NDC80: variants seen among roughly 807,000 people sequenced by gnomAD.
The protein encoded by NDC80 is kinetochore protein NDC80 homolog.
Under a neutral mutation model 89.3 loss-of-function variants are expected in NDC80, and 69 were observed. That is an observed-to-expected ratio of 0.77 (90% confidence interval 0.64 to 0.94). The LOEUF is 0.94. Among genes scored for constraint, NDC80 ranks in the 40% least tolerant of loss-of-function variants. The pLI is 0.00. For missense variants in NDC80, 593 were observed against 739.6 expected, an observed-to-expected ratio of 0.80 and a Z score of 2.30; for synonymous variants, 243 against 255.6, an observed-to-expected ratio of 0.95 and a Z score of 0.47.
At chr18:2,607,550 TA>T (rs1408485590) in intron 14 of NDC80, among the ~76,000 whole-genome samples, 1 of 152,160 alleles carries the variant, frequency 6.6e-6, no homozygotes, top group African/African-American at 2.4e-5. Context: ...ACCAAAAAAC[TA>T]AAAAACTTCA....
intron 16 of NDC80, among the ~76,000 whole-genome samples, chr18:2,615,800 T>C (rs1403917989): frequency 6.6e-6 from 1 of 152,168 alleles, no homozygotes; most frequent in Admixed American, 6.6e-5. Flanking sequence ...AAATACTATA[T>C]GAAAAAGTCA....
chr18:2,597,653 C>T (rs1460592868), intron 11 of NDC80, among the ~76,000 whole-genome samples: 1 of 151,994 alleles, frequency 6.6e-6, no homozygotes, highest in East Asian at 1.9e-4. Context: ...ATCGCTTGAA[C>T]CCGGAGGCGG....
intron 10 of NDC80, among the ~76,000 whole-genome samples, chr18:2,592,358 G>GTTT (rs568473370): frequency 7.1e-6 from 1 of 140,646 alleles, no homozygotes; most frequent in Non-Finnish European, 1.6e-5. Flanking sequence ...GTTTTATTTT[G>GTTT]TTTTTTTTTT....
At chr18:2,614,606 A>T in intron 16 of NDC80, 1 of 44,438 alleles carries the variant, frequency 2.3e-5, no homozygotes, top group East Asian at 1.1e-3. Context: ...AGAAAGAAAG[A>T]AAGAAAGAAA....
chr18:2,580,308 A>G (rs966776420), intron 6 of NDC80, among the ~76,000 whole-genome samples: 9 of 151,534 alleles, frequency 5.9e-5, no homozygotes, highest in African/African-American at 1.7e-4. Flanking sequence ...TCCTCTCTAT[A>G]TGGTGCAAGC....
rs868804873 is a variant in NDC80, at chr18:2,575,047, G to A, written c.160G>A (p.Val54Ile). 1.2e-6 allele frequency: 2 copies of A among 1,611,428 alleles called. No individual in the cohort carries two copies. The highest frequency in any genetic ancestry group is 3.3e-4 in the Middle Eastern group (2 of 6,054). The change falls in exon 3 of 17, where the codon GTC becomes ATC. Residue 54 changes from valine (V) to isoleucine (I), a missense_variant. Transcript: ENST00000261597. ...AAACAAACCGACATCTGAAAGAAAAGTCTCGCTATTTGGCAAAAGGTAATT... is the reference window on the plus strand; with the variant it reads ...AAACAAACCGACATCTGAAAGAAAAATCTCGCTATTTGGCAAAAGGTAATT... ...SINKPTSERK[V>I]SLFGKRTSGH...
intron 15 of NDC80, 74 bp from the exon 16 acceptor site, chr18:2,610,684 TG>T: frequency 1.1e-6 from 1 of 881,634 alleles, no homozygotes; most frequent in Non-Finnish European, 1.7e-6. Context: ...AATGTGGAAA[TG>T]GGAAGTGAGC....
At position 2,601,408 on chromosome 18, in the gene NDC80, G is replaced by T. The variant is rs1169726837; in HGVS notation, c.1387G>T (p.Glu463Ter). The change falls in exon 13 of 17, where the codon GAA becomes TAA. Residue 463 changes from glutamate (E) to a stop codon, truncating the protein, a stop_gained. Coordinates refer to ENST00000261597, the MANE Select transcript of NDC80 (RefSeq NM_006101.3). LOFTEE classifies it high-confidence loss of function. ...ATGTATTTTATAGGTACCTCTTAAG[G>T]AACTCCTGAATGAAACTGAAGAAGA... Reference protein sequence around the residue: ...YRAQVYVPLKELLNETEEEIN... With the variant: ...YRAQVYVPLK 1.8e-5 allele frequency: 27 copies of T among 1,505,660 alleles called. No individual in the cohort carries two copies. The highest frequency in any genetic ancestry group is 2.4e-5 in the Non-Finnish European group (27 of 1,107,496). 93.3% of individuals were successfully genotyped at this position (1,505,660 alleles called of 1,614,324 possible).
intron 12 of NDC80, 133 bp downstream of exon 12, chr18:2,599,304 T>TAG: frequency 2.9e-6 from 2 of 685,634 alleles, no homozygotes; most frequent in Non-Finnish European, 4.3e-6. Context: ...TTCTTTCTTC[T>TAG]CGGTCATAGA....
chr18:2,616,312 A>T, intron 16 of NDC80, 125 bp from the exon 17 acceptor site: 1 of 581,524 alleles, frequency 1.7e-6, no homozygotes, highest in Non-Finnish European at 2.7e-6. Context: ...GGAGTGAGCC[A>T]CCATGCCCGG....
chr18:2,616,514 TAA>T lies in NDC80; in HGVS notation c.1871_1872del (p.Lys624ArgfsTer3), dbSNP rs751907285. 6.6e-7 allele frequency: 1 copy of T among 1,508,960 alleles called. No homozygotes were observed. Among genetic ancestry groups the T allele is most frequent in the Admixed American group, 2.1e-5 (1 of 48,412 alleles). 93.5% of individuals were successfully genotyped at this position (1,508,960 alleles called of 1,614,324 possible). ...TGTCAGAAGATCTCTCGGAAAATAT[TAA>T]AGAGATTAGAGATAAGTATGAGAAG... Reference protein sequence around the residue: ...CMSEDLSENIKEIRDKYEKKA... With the variant: ...CMSEDLSENIXEIRDKYEKKA... On this transcript the variant is annotated frameshift_variant, in exon 17 of 17. Coordinates refer to ENST00000261597, the MANE Select transcript of NDC80 (RefSeq NM_006101.3). LOFTEE classifies it high-confidence loss of function.
In NDC80 at chr18:2,608,213, CT is replaced by C. The variant is rs200817227; in HGVS notation, c.1558-477del. 8.4e-4 allele frequency among the ~76,000 whole-genome samples: 122 copies of C among 145,116 alleles called. 1 individual carries two copies. The highest frequency in any genetic ancestry group is 2.2e-3 in the African/African-American group (88 of 39,788). ...TCAAATTAAAAAATAATAAAATCAC[CT>C]TTTTTTTTTGAGACAGTGTCTCGCT... On this transcript the variant is annotated intron_variant, in intron 14 of 16. Transcript: ENST00000261597.
chr18:2,576,268 A>G (rs1010868564), intron 3 of NDC80, among the ~76,000 whole-genome samples: 1 of 152,366 alleles, frequency 6.6e-6, no homozygotes, highest in South Asian at 2.1e-4. Context: ...TATGCATTCA[A>G]TTTAAAATAA....
intron 13 of NDC80, among the ~76,000 whole-genome samples, chr18:2,605,603 C>T (rs1350232559): frequency 6.6e-6 from 1 of 151,906 alleles, no homozygotes; most frequent in East Asian, 1.9e-4. Flanking sequence ...GTTTTGAGTT[C>T]TGGGCGTATG....
At chr18:2,610,980 GC>G (rs1406637537) in intron 16 of NDC80, 119 bp downstream of exon 16, 1 of 503,774 alleles carries the variant, frequency 2.0e-6, no homozygotes, top group Non-Finnish European at 3.2e-6. Context: ...GTATGATCTG[GC>G]AAAAATTTAT....
In NDC80 at chr18:2,601,708, C is replaced by G. The variant is rs116985656; in HGVS notation, c.1464+223C>G. ...TCACATATGATGAAGCGAGATGAAA[C>G]TAAGTAAATTTTCCTTTTTTTAATA... On this transcript the variant is annotated intron_variant, in intron 13 of 16. Transcript: ENST00000261597. 8.3e-3 allele frequency among the ~76,000 whole-genome samples: 1,259 copies of G among 152,026 alleles called. 6 individuals are homozygous for G. Among genetic ancestry groups the G allele is most frequent in the Non-Finnish European group, 0.013 (888 of 67,932 alleles).
chr18:2,604,030 GGTTAAA>G (rs938065826), intron 13 of NDC80, among the ~76,000 whole-genome samples: 8 of 152,150 alleles, frequency 5.3e-5, no homozygotes, highest in Admixed American at 1.3e-4. Flanking sequence ...TGTAAATAAA[GGTTAAA>G]GTTAAATATT....
chr18:2,580,783 C>T (rs2072573752), intron 6 of NDC80, among the ~76,000 whole-genome samples: 1 of 113,712 alleles, frequency 8.8e-6, no homozygotes, highest in African/African-American at 3.1e-5. Flanking sequence ...ACTCTGTCGC[C>T]TGGGCTGGAG....
intron 5 of NDC80, among the ~76,000 whole-genome samples, chr18:2,578,370 TCA>T (rs2072558795): frequency 6.6e-6 from 1 of 152,148 alleles, no homozygotes; most frequent in South Asian, 2.1e-4. Flanking sequence ...TAGTAACTGA[TCA>T]AGTTTGATGA....
Sources: gnomAD v4.1 joint callset for allele counts (sites outside exome capture counted in the v4.1 genomes callset) on GRCh38, gnomAD v4.1.1 for gene constraint, MANE v1.5 for transcripts, NCBI Gene and HGNC (gene_info 2026-07-23, HGNC 2026-07-21) for gene names.